LAMA2: variants seen among roughly 807,000 people sequenced by gnomAD.
The protein encoded by LAMA2 is laminin subunit alpha 2.
In LAMA2, 269 loss-of-function variants were observed where a neutral mutation model predicts 364.8. The observed-to-expected ratio is 0.74, with a 90% confidence interval of 0.67 to 0.82. The LOEUF (loss-of-function observed/expected upper bound fraction) is 0.82. LAMA2 is among the 40% of genes least tolerant of loss of function. The probability of loss-of-function intolerance (pLI) is 0.00; values close to 1 mark genes in which losing one functional copy is unlikely to be tolerated. For synonymous variants in LAMA2, 1,379 were observed against 1,370.6 expected, an observed-to-expected ratio of 1.01 and a Z score of -0.14; for missense variants, 3,807 against 3,873.2, an observed-to-expected ratio of 0.98 and a Z score of 0.45.
chr6:129,467,332 A>G (rs1336759714), intron 51 of LAMA2, among the ~76,000 whole-genome samples: 1 of 151,794 alleles, frequency 6.6e-6, no homozygotes, highest in Non-Finnish European at 1.5e-5. Context: ...GAAGATGGAA[A>G]CAATAGACAC....
intron 35 of LAMA2, among the ~76,000 whole-genome samples, chr6:129,386,826 C>T (rs1583629761): frequency 6.6e-6 from 1 of 152,128 alleles, no homozygotes; most frequent in Admixed American, 6.5e-5. Flanking sequence ...GAAAGATGCT[C>T]TCATTTAATC....
chr6:129,150,918 A>G (rs929509564), intron 7 of LAMA2, among the ~76,000 whole-genome samples: 4 of 152,170 alleles, frequency 2.6e-5, no homozygotes, highest in Non-Finnish European at 4.4e-5. Context: ...TCACATTCTA[A>G]TTCATTTGAG....
chr6:128,957,190 G>C (rs1781206309), intron 1 of LAMA2, among the ~76,000 whole-genome samples: 1 of 152,044 alleles, frequency 6.6e-6, no homozygotes, highest in Non-Finnish European at 1.5e-5. Context: ...GATGTGCAAG[G>C]TGCTAGGCTA....
chr6:129,280,077 C>G lies in LAMA2; in HGVS notation c.2467C>G (p.His823Asp). The change falls in exon 18 of 65, where the codon CAT (histidine) becomes GAT (aspartate). Residue 823 changes from histidine to aspartate, a missense_variant. Around this residue, in one of 3 missense-constraint regions of LAMA2, gnomAD observed 3,333 missense variants for 3,345.7 expected, o/e 1.00. Coordinates refer to ENST00000421865, the MANE Select transcript of LAMA2 (RefSeq NM_000426.4). The stretch of plus-strand genomic sequence containing the variant: ...TCAACATAGCTTTAGCCCAACGTGC[C>G]ATTTAGACCGGAGTCTTGGATTGAT... Reference protein sequence around the residue: ...IPSNNFSPTCHLDRSLGLICD... With the variant: ...IPSNNFSPTCDLDRSLGLICD... 6.2e-7 allele frequency: 1 copy of G among 1,612,934 alleles called. No homozygotes were observed. The highest frequency in any genetic ancestry group is 8.5e-7 in the Non-Finnish European group (1 of 1,179,088).
At chr6:128,937,723 C>T (rs1457495403) in intron 1 of LAMA2, among the ~76,000 whole-genome samples, 1 of 151,288 alleles carries the variant, frequency 6.6e-6, no homozygotes, top group African/African-American at 2.4e-5. Flanking sequence ...TTTTGTTTAT[C>T]TTTAAAAAAA....
chr6:129,348,995 A>G (rs547308677), intron 30 of LAMA2, among the ~76,000 whole-genome samples: 1 of 152,304 alleles, frequency 6.6e-6, no homozygotes, highest in East Asian at 1.9e-4. Context: ...CAATAGGACA[A>G]TTTTGCTGGA....
intron 1 of LAMA2, among the ~76,000 whole-genome samples, chr6:128,912,439 G>A (rs964490248): frequency 6.6e-6 from 1 of 152,036 alleles, no homozygotes; most frequent in African/African-American, 2.4e-5. Context: ...GCAAATTTGA[G>A]ATTTCTATAA....
chr6:128,914,053 C>T (rs1021854874), intron 1 of LAMA2, among the ~76,000 whole-genome samples: 11 of 152,138 alleles, frequency 7.2e-5, no homozygotes, highest in Admixed American at 2.0e-4. Flanking sequence ...GGCAAGCTAA[C>T]TCCCTTATCC....
chr6:129,454,320 A>G (rs779978384), intron 47 of LAMA2, 32 bp downstream of exon 47: 2 of 1,574,612 alleles, frequency 1.3e-6, no homozygotes, highest in Admixed American at 1.7e-5. Context: ...AAGATAATTA[A>G]ATGATAGAAT....
intron 1 of LAMA2, among the ~76,000 whole-genome samples, chr6:128,994,025 A>G (rs997965476): frequency 3.9e-5 from 6 of 152,240 alleles, no homozygotes; most frequent in African/African-American, 1.2e-4. Flanking sequence ...TGTCAATGCC[A>G]TGAATCAGAG....
intron 4 of LAMA2, among the ~76,000 whole-genome samples, chr6:129,133,716 T>A (rs1012746743): frequency 1.3e-5 from 2 of 152,202 alleles, no homozygotes; most frequent in East Asian, 3.8e-4. Context: ...CATCTTGAGT[T>A]TTAAGCTTTC....
At position 129,033,565 on chromosome 6, in the gene LAMA2, A is replaced by AT. The variant is rs202040849; in HGVS notation, c.113-16345dup. Among the ~76,000 whole-genome samples, 929 of 152,084 alleles carry AT rather than the reference A, an allele frequency of 6.1e-3. 8 individuals carry two copies. The highest frequency in any genetic ancestry group is 0.021 in the African/African-American group (883 of 41,512). On this transcript the variant is annotated intron_variant, in intron 1 of 64. Transcript: ENST00000421865. Reference sequence around the variant, plus strand: ...TTATTAACTGCAGACAAAGCCCTAAATTTTTTTTGTTTTCTATATCACAAG... The same window carrying AT: ...TTATTAACTGCAGACAAAGCCCTAAATTTTTTTTTGTTTTCTATATCACAAG...
At position 129,486,538 on chromosome 6, in the gene LAMA2, C is replaced by T; in HGVS notation, c.7814C>T (p.Thr2605Ile). 1 of 1,613,904 alleles carries T rather than the reference C, an allele frequency of 6.2e-7. No homozygotes were observed. The highest frequency in any genetic ancestry group is 8.5e-7 in the Non-Finnish European group (1 of 1,179,900). Reference protein sequence around the residue: ...LEVHLSTGARTMRKIVIRPEP... With the variant: ...LEVHLSTGARIMRKIVIRPEP... ...GTGCATCTCTCCACAGGGGCACGAACAATGAGGAAAATTGTGATCAGACCA... is the reference window on the plus strand; with the variant it reads ...GTGCATCTCTCCACAGGGGCACGAATAATGAGGAAAATTGTGATCAGACCA... The change falls in exon 56 of 65, where the codon ACA becomes ATA. Residue 2605 changes from threonine (T) to isoleucine (I), a missense_variant. Around this residue, in one of 3 missense-constraint regions of LAMA2, gnomAD observed 3,333 missense variants for 3,345.7 expected, o/e 1.00. Coordinates refer to ENST00000421865, the MANE Select transcript of LAMA2 (RefSeq NM_000426.4).
At chr6:129,439,232 T>A (rs570585696) in intron 42 of LAMA2, among the ~76,000 whole-genome samples, 1 of 152,186 alleles carries the variant, frequency 6.6e-6, no homozygotes, top group South Asian at 2.1e-4. Context: ...AGTGTATTGT[T>A]TATGAAATAA....
chr6:128,911,701 C>T (rs918761134), intron 1 of LAMA2, among the ~76,000 whole-genome samples: 1 of 152,178 alleles, frequency 6.6e-6, no homozygotes, highest in Non-Finnish European at 1.5e-5. Context: ...TTTTTTTACA[C>T]ATAAGAAATG....
intron 18 of LAMA2, among the ~76,000 whole-genome samples, chr6:129,284,631 G>A (rs560241345): frequency 1.3e-5 from 2 of 151,996 alleles, no homozygotes; most frequent in Admixed American, 6.6e-5. Context: ...AATGTAGGCC[G>A]TGATTTTAGC....
intron 1 of LAMA2, among the ~76,000 whole-genome samples, chr6:128,887,005 C>T (rs6569571): frequency 0.19 from 29,464 of 152,118 alleles, 4,744 homozygotes; most frequent in African/African-American, 0.44. Context: ...TGCATACTTG[C>T]ATTTAAATTT....
At chr6:129,315,355 T>G in intron 24 of LAMA2, 121 bp from the exon 25 acceptor site, 1 of 841,822 alleles carries the variant, frequency 1.2e-6, no homozygotes, top group South Asian at 1.5e-5. Flanking sequence ...GTTCTGTTGC[T>G]TGTGAGAACA....
chr6:129,322,812 C>T (rs1256682462), intron 28 of LAMA2, among the ~76,000 whole-genome samples: 1 of 152,120 alleles, frequency 6.6e-6, no homozygotes, highest in Non-Finnish European at 1.5e-5. Flanking sequence ...AAAAACCTTT[C>T]TTCATATGAT....
Sources: allele counts gnomAD v4.1 joint callset (sites outside exome capture counted in the v4.1 genomes callset), GRCh38; gene constraint gnomAD v4.1.1; regional missense constraint gnomAD v4.1.1; transcripts MANE v1.5; gene names NCBI Gene and HGNC (gene_info 2026-07-23, HGNC 2026-07-21).